The following ABCG4 variants were observed in gnomAD, a reference collection of about 807,000 sequenced individuals.
ABCG4 encodes the protein ATP-binding cassette sub-family G member 4.
In ABCG4, 35 loss-of-function variants were observed where a neutral mutation model predicts 64.6. The ratio of observed to expected loss-of-function variants is 0.54; its 90% confidence interval spans 0.41 to 0.72. ABCG4 has a LOEUF of 0.72. ABCG4 is among the 30% of genes least tolerant of loss of function. The probability of loss-of-function intolerance (pLI) is 0.00; values close to 1 mark genes in which losing one functional copy is unlikely to be tolerated. For synonymous variants in ABCG4, 326 were observed against 348.2 expected (o/e 0.94, Z 0.71); for missense variants, 610 against 846.3 (o/e 0.72, Z 3.46).
At position 119,156,623 on chromosome 11, in the gene ABCG4, C is replaced by A. The variant is rs1289722332; in HGVS notation, c.870C>A (p.Pro290=). ...AAGGCGTGGTCACCAACCTGATCCC[C>A]TATCTAAAGGGACTCGGCTTGCATT... is the stretch of plus-strand genomic sequence containing the variant. ...IFKGVVTNLI[P]YLKGLGLHCP... Residue 290 remains proline, a synonymous_variant, in exon 8 of 15, where the codon CCC becomes CCA. Coordinates refer to ENST00000619701, the MANE Select transcript of ABCG4 (RefSeq NM_022169.5). This position sits in a 1 kb window ranked among gnomAD's most constrained non-coding sequence, Gnocchi z 5.5. 1 of 1,614,168 alleles carries A rather than the reference C, an allele frequency of 6.2e-7. No individual in the cohort carries two copies. The highest frequency in any genetic ancestry group is 1.1e-5 in the South Asian group (1 of 91,080).
chr11:119,156,665 C>G lies in ABCG4; in HGVS notation c.912C>G (p.Asn304Lys), dbSNP rs1948269212. ...GCTTGCATTGCCCCACCTACCACAA[C>G]CCGGCTGACTTCAGTGAGTGGGGGT... Reference protein sequence around the residue: ...GLGLHCPTYHNPADFIIEVAS... With the variant: ...GLGLHCPTYHKPADFIIEVAS... The change falls in exon 8 of 15, where the codon AAC (asparagine) becomes AAG (lysine). Residue 304 changes from asparagine to lysine, a missense_variant. Transcript: ENST00000619701. This position sits in a 1 kb window ranked among gnomAD's most constrained non-coding sequence, Gnocchi z 5.5. The G allele has an allele frequency of 6.2e-7, 1 of 1,614,040 alleles. No individual in the cohort carries two copies. Among genetic ancestry groups the G allele is most frequent in the Non-Finnish European group, 8.5e-7 (1 of 1,180,034 alleles).
At position 119,150,232 on chromosome 11, in the gene ABCG4, G is replaced by A. The variant is rs988928786; in HGVS notation, c.238+29G>A. Reference sequence around the variant, plus strand: ...GGGAACAGCCTGGTAGGGGGAGTCCGTGGGCCCTCTCTGAGTTGCCTCTCC... The same window carrying A: ...GGGAACAGCCTGGTAGGGGGAGTCCATGGGCCCTCTCTGAGTTGCCTCTCC... On this transcript the variant is annotated intron_variant, in intron 2 of 14. Transcript: ENST00000619701. The surrounding 1 kb of genome is among the most constrained non-coding windows in gnomAD (Gnocchi z 4.3). 2.5e-6 allele frequency: 4 copies of A among 1,600,314 alleles called. No homozygotes were observed. Among genetic ancestry groups the A allele is most frequent in the Non-Finnish European group, 3.4e-6 (4 of 1,170,644 alleles).
chr11:119,158,698 G>T lies in ABCG4; in HGVS notation c.1309G>T (p.Ala437Ser). The change falls in exon 11 of 15, where the codon GCC becomes TCC. Residue 437 changes from alanine to serine, a missense_variant. By Grantham distance (99) the Ala-to-Ser change is moderately conservative. Coordinates refer to ENST00000619701, the MANE Select transcript of ABCG4 (RefSeq NM_022169.5). The surrounding 1 kb of genome is among the most constrained non-coding windows in gnomAD (Gnocchi z 4.5). Reference protein sequence around the residue: ...LFFSMLFLMFAALMPTVLTFP... With the variant: ...LFFSMLFLMFSALMPTVLTFP... The stretch of plus-strand genomic sequence containing the variant: ...CTTCTCCATGCTGTTCCTCATGTTC[G>T]CCGCCCTCATGCCAACTGTGCTCAC... 1.2e-6 allele frequency: 2 copies of T among 1,613,996 alleles called. No individual in the cohort carries two copies. Among genetic ancestry groups the T allele is most frequent in the African/African-American group, 1.3e-5 (1 of 75,032 alleles).
At chr11:119,157,154 A>T in intron 9 of ABCG4, 140 bp downstream of exon 9, 1 of 1,170,242 alleles carries the variant, frequency 8.5e-7, no homozygotes, top group South Asian at 1.6e-5. Flanking sequence ...CTTGGAATCG[A>T]CCTACTAGGA....
At chr11:119,157,663 G>GGAGACCATCCTGGCTAACACGGTGA (rs201293051) in intron 9 of ABCG4, among the ~76,000 whole-genome samples, 17,118 of 151,944 alleles carry the variant, frequency 0.11, 1,276 homozygotes, top group South Asian at 0.24. Flanking sequence ...GTCAGGAGAT[G>GGAGACCATCCTGGCTAACACGGTGA]GAGACCATCC....
Position 119,158,337 on chromosome 11 carries a change from G to A in ABCG4, c.1167+5G>A. 3 of 1,613,880 alleles carry A rather than the reference G, an allele frequency of 1.9e-6. No homozygotes were observed. The highest frequency in any genetic ancestry group is 2.5e-6 in the Non-Finnish European group (3 of 1,179,806). On this transcript the variant is annotated splice_donor_5th_base_variant and intron_variant, in intron 10 of 14. Transcript: ENST00000619701. The surrounding 1 kb of genome is among the most constrained non-coding windows in gnomAD (Gnocchi z 4.5). ...CTGTCCATCCTCAGGGACACGGTGA[G>A]GCGTCAGGCTGGGGGAGAGGAGGCT...
intron 12 of ABCG4, among the ~76,000 whole-genome samples, chr11:119,159,743 G>A (rs1012750983): frequency 3.9e-5 from 6 of 152,004 alleles, no homozygotes; most frequent in South Asian, 2.1e-4. Flanking sequence ...GGTGGACACC[G>A]TCACAGGATG....
chr11:119,151,195 A>C (rs1429793110), intron 2 of ABCG4, among the ~76,000 whole-genome samples: 1 of 152,218 alleles, frequency 6.6e-6, no homozygotes, highest in Non-Finnish European at 1.5e-5. Flanking sequence ...GGGCAAAATC[A>C]TGAGGCAGTT....
intron 2 of ABCG4, among the ~76,000 whole-genome samples, chr11:119,152,564 C>T (rs1405055799): frequency 1.3e-5 from 2 of 152,158 alleles, no homozygotes; most frequent in African/African-American, 2.4e-5. Flanking sequence ...GGGATTGGCA[C>T]GTCCTCACCT....
In ABCG4 at chr11:119,150,658, C is replaced by T. The variant is rs1333165539; in HGVS notation, c.238+455C>T. Among the ~76,000 whole-genome samples, 2 of 152,256 alleles carry T rather than the reference C, an allele frequency of 1.3e-5. No homozygotes were observed. Among genetic ancestry groups the T allele is most frequent in the Non-Finnish European group, 2.9e-5 (2 of 68,016 alleles). On this transcript the variant is annotated intron_variant, in intron 2 of 14. Coordinates refer to ENST00000619701, the MANE Select transcript of ABCG4 (RefSeq NM_022169.5). This position sits in a 1 kb window ranked among gnomAD's most constrained non-coding sequence, Gnocchi z 4.3. Reference sequence around the variant, plus strand: ...CAGTGCTCAGAAGCAGGGAGGGTGGCGGTTTGGCAGGATAGATGTCATCTC... The same window carrying T: ...CAGTGCTCAGAAGCAGGGAGGGTGGTGGTTTGGCAGGATAGATGTCATCTC...
At position 119,156,742 on chromosome 11, in the gene ABCG4, C is replaced by T; in HGVS notation, c.925+64C>T. On this transcript the variant is annotated intron_variant, in intron 8 of 14. Transcript: ENST00000619701. This position sits in a 1 kb window ranked among gnomAD's most constrained non-coding sequence, Gnocchi z 5.5. ...GTGGGCCGAACCTGGGGTCTCTGGT[C>T]TTGCACTCAGGCCTCCTAGGGGTAG... 1 of 1,597,982 alleles carries T rather than the reference C, an allele frequency of 6.3e-7. No individual in the cohort carries two copies. The highest frequency in any genetic ancestry group is 8.6e-7 in the Non-Finnish European group (1 of 1,165,966).
In ABCG4 at chr11:119,149,792, C is replaced by T; in HGVS notation, c.-12-162C>T. ...TGGGCTGCCCGGGACTGAGCGTCTC[C>T]GTGCGGAGAGTGGGGGGCGGGGGCA... is the stretch of plus-strand genomic sequence containing the variant. On this transcript the variant is annotated intron_variant, in intron 1 of 14. Transcript: ENST00000619701. This position sits in a 1 kb window ranked among gnomAD's most constrained non-coding sequence, Gnocchi z 8.3. The T allele has an allele frequency of 8.5e-7, 1 of 1,181,114 alleles. No individual in the cohort carries two copies. The highest frequency in any genetic ancestry group is 1.2e-6 in the Non-Finnish European group (1 of 865,848). The allele number at this position is 1,181,114 out of a possible 1,614,324, so 73.2% of individuals were successfully genotyped here. A position where few individuals can be genotyped will look rare whatever the true frequency, so the allele number is the denominator to read the frequency against.
chr11:119,154,717 C>G lies in ABCG4; in HGVS notation c.541-53C>G. 1 of 1,590,482 alleles carries G rather than the reference C, an allele frequency of 6.3e-7. No individual in the cohort carries two copies. The highest frequency in any genetic ancestry group is 8.6e-7 in the Non-Finnish European group (1 of 1,164,740). On this transcript the variant is annotated intron_variant, in intron 5 of 14. Transcript: ENST00000619701. The surrounding 1 kb of genome is among the most constrained non-coding windows in gnomAD (Gnocchi z 7.0). ...ATGCTTTTTGAAGCTGGGGTGGTGC[C>G]TGGGGGAAGCAGAGACTCCGAAGCT...
At chr11:119,157,159 C>A in intron 9 of ABCG4, 145 bp downstream of exon 9, 1 of 1,102,406 alleles carries the variant, frequency 9.1e-7, no homozygotes, top group Non-Finnish European at 1.3e-6. Flanking sequence ...AATCGACCTA[C>A]TAGGAACAGC....
Position 119,158,168 on chromosome 11 carries a change from G to A in ABCG4, c.1069-66G>A, listed in dbSNP as rs1948291798. ...AGAGCTCTGAGGTTTTTCATTCACT[G>A]AGCTGGGTGTTCTGTGGGTGAATGG... On this transcript the variant is annotated intron_variant, in intron 9 of 14. Coordinates refer to ENST00000619701, the MANE Select transcript of ABCG4 (RefSeq NM_022169.5). This position sits in a 1 kb window ranked among gnomAD's most constrained non-coding sequence, Gnocchi z 4.5. 7.5e-7 allele frequency: 1 copy of A among 1,334,208 alleles called. No individual in the cohort carries two copies. The highest frequency in any genetic ancestry group is 1.5e-5 in the African/African-American group (1 of 68,068). 82.6% of individuals were successfully genotyped at this position (1,334,208 alleles called of 1,614,324 possible). A position where few individuals can be genotyped will look rare whatever the true frequency, so the allele number is the denominator to read the frequency against.
rs546777740 is a variant in ABCG4 at position 119,159,346 on chromosome 11, G to A, written c.1437+417G>A. Among the ~76,000 whole-genome samples, 8 of 150,012 alleles carry A rather than the reference G, an allele frequency of 5.3e-5. No individual in the cohort carries two copies. The East Asian group carries it at 1.6e-3, about 30-fold the overall frequency. On this transcript the variant is annotated intron_variant, in intron 12 of 14. Transcript: ENST00000619701. ...TACTAAAAATACAAAAATTAACCAG[G>A]CTTGGTGTTGTGCACCTGTAGTCCC... is the stretch of plus-strand genomic sequence containing the variant.
At position 119,155,476 on chromosome 11, in the gene ABCG4, C is replaced by T. The variant is rs1017611950; in HGVS notation, c.686+561C>T. On this transcript the variant is annotated intron_variant, in intron 6 of 14. Coordinates refer to ENST00000619701, the MANE Select transcript of ABCG4 (RefSeq NM_022169.5). The surrounding 1 kb of genome is among the most constrained non-coding windows in gnomAD (Gnocchi z 4.5). ...AGCTGGAATTACAGGCGTGTACCAC[C>T]ACACCCAGCTAGTTTTTGTATTTTT... Among the ~76,000 whole-genome samples, 4 of 152,212 alleles carry T rather than the reference C, an allele frequency of 2.6e-5. No individual in the cohort carries two copies. The highest frequency in any genetic ancestry group is 5.9e-5 in the Non-Finnish European group (4 of 68,040).
rs749714630 is a variant in ABCG4 at position 119,160,570 on chromosome 11, C to T, written c.1629C>T (p.Ile543=). 115 of 1,612,286 alleles carry T rather than the reference C, an allele frequency of 7.1e-5. No individual in the cohort carries two copies. Among genetic ancestry groups the T allele is most frequent in the Non-Finnish European group, 9.3e-5 (110 of 1,179,962 alleles). The change falls in exon 14 of 15, where the codon ATC becomes ATT. Residue 543 remains isoleucine (I), a synonymous_variant. Transcript: ENST00000619701. This position sits in a 1 kb window ranked among gnomAD's most constrained non-coding sequence, Gnocchi z 4.6. ...VATFVGPVTA[I]PVLLFSGFFV... ...CTTTTGTGGGCCCAGTTACCGCCAT[C>T]CCTGTCCTCTTGTTCTCCGGCTTCT...
In ABCG4 at chr11:119,156,860, C is replaced by CT; in HGVS notation, c.926-11dup. The stretch of plus-strand genomic sequence containing the variant: ...GTGAATCTAAACTGAGCTCTCCACT[C>CT]TGTGTCCCCAGTCATCGAGGTGGCC... On this transcript the variant is annotated splice_polypyrimidine_tract_variant and intron_variant, in intron 8 of 14. Coordinates refer to ENST00000619701, the MANE Select transcript of ABCG4 (RefSeq NM_022169.5). This position sits in a 1 kb window ranked among gnomAD's most constrained non-coding sequence, Gnocchi z 5.5. 1 of 1,604,152 alleles carries CT rather than the reference C, an allele frequency of 6.2e-7. No individual in the cohort carries two copies. Among genetic ancestry groups the CT allele is most frequent in the Non-Finnish European group, 8.5e-7 (1 of 1,174,682 alleles).
Sources: allele counts gnomAD v4.1 joint callset (sites outside exome capture counted in the v4.1 genomes callset), GRCh38; gene constraint gnomAD v4.1.1; non-coding constraint Gnocchi (gnomAD v3.1); transcripts MANE v1.5; gene names NCBI Gene and HGNC (gene_info 2026-07-23, HGNC 2026-07-21).